Variants in MBOAT1 observed in about 807,000 individuals in gnomAD.
The protein encoded by MBOAT1 is membrane-bound glycerophospholipid O-acyltransferase 1.
In MBOAT1, 67 loss-of-function variants were observed where a neutral mutation model predicts 64.4. The ratio of observed to expected loss-of-function variants is 1.04; its 90% CI spans 0.85 to 1.27. MBOAT1 has a LOEUF of 1.27. Ranked by LOEUF, MBOAT1 falls within the 50% of genes most tolerant of loss-of-function variation. The pLI is 0.00. For synonymous variants in MBOAT1, 229 were observed against 218.9 expected, an observed-to-expected ratio of 1.05 and a Z score of -0.41; for missense variants, 563 against 604.6, an observed-to-expected ratio of 0.93 and a Z score of 0.72.
At chr6:20,104,101 G>A (rs542584328) in intron 12 of MBOAT1, among the ~76,000 whole-genome samples, 3 of 152,180 alleles carry the variant, frequency 2.0e-5, no homozygotes, top group East Asian at 1.9e-4. Flanking sequence ...TATTCAGTAC[G>A]GTAACATACT....
intron 1 of MBOAT1, among the ~76,000 whole-genome samples, chr6:20,169,036 A>C (rs984634465): frequency 6.6e-6 from 1 of 152,134 alleles, no homozygotes; most frequent in Non-Finnish European, 1.5e-5. Flanking sequence ...AACAACAAAA[A>C]CTGTCTTGAA....
intron 1 of MBOAT1, among the ~76,000 whole-genome samples, chr6:20,163,614 A>G (rs998152268): frequency 3.9e-5 from 6 of 152,168 alleles, no homozygotes; most frequent in Non-Finnish European, 8.8e-5. Flanking sequence ...CTACTCAGGC[A>G]CAACCTTCTC....
intron 1 of MBOAT1, among the ~76,000 whole-genome samples, chr6:20,211,596 C>T (rs1763420822): frequency 6.6e-6 from 1 of 152,154 alleles, no homozygotes; most frequent in African/African-American, 2.4e-5. Context: ...CCAACCGAAC[C>T]CTGGGAAAAC....
chr6:20,193,160 C>A (rs948414331), intron 1 of MBOAT1, among the ~76,000 whole-genome samples: 2 of 151,508 alleles, frequency 1.3e-5, no homozygotes, highest in African/African-American at 4.8e-5. Flanking sequence ...TGCCCGCCAC[C>A]GCGCCCGGCT....
intron 4 of MBOAT1, among the ~76,000 whole-genome samples, chr6:20,134,040 G>A (rs1760908575): frequency 6.6e-6 from 1 of 152,144 alleles, no homozygotes; most frequent in Non-Finnish European, 1.5e-5. Context: ...TACTGAATTT[G>A]CCAAAACTGT....
chr6:20,187,398 C>T (rs1202676391), intron 1 of MBOAT1, among the ~76,000 whole-genome samples: 1 of 152,214 alleles, frequency 6.6e-6, no homozygotes, highest in East Asian at 1.9e-4. Context: ...GCACAAGCAT[C>T]GAAATGGCCC....
chr6:20,114,808 C>T (rs544146077), intron 10 of MBOAT1, among the ~76,000 whole-genome samples: 7 of 151,010 alleles, frequency 4.6e-5, no homozygotes, highest in African/African-American at 1.5e-4. Context: ...TGCTTGAACC[C>T]GGGAGGCAGA....
At chr6:20,141,359 C>CTTTTTTTTTTTTTTT (rs755615744) in intron 4 of MBOAT1, among the ~76,000 whole-genome samples, 6 of 99,804 alleles carry the variant, frequency 6.0e-5, no homozygotes, top group East Asian at 2.7e-4. Flanking sequence ...TTTTCTTTTT[C>CTTTTTTTTTTTTTTT]TTTTTTTTTT....
Position 20,178,254 on chromosome 6 carries a change from A to C in MBOAT1, c.100-25485T>G, listed in dbSNP as rs145013723. The stretch of plus-strand genomic sequence containing the variant: ...TGGTTTTTTTCTATTTCTGTTTTAC[A>C]TTTAAATTGGACCATTCCAAGTATA... On this transcript the variant is annotated intron_variant, in intron 1 of 12. Transcript: ENST00000324607. 4.7e-3 allele frequency among the ~76,000 whole-genome samples: 712 copies of C among 152,296 alleles called. 4 individuals are homozygous for C. The highest frequency in any genetic ancestry group is 0.016 in the African/African-American group (662 of 41,556).
intron 1 of MBOAT1, among the ~76,000 whole-genome samples, chr6:20,162,026 CTG>C (rs1166535939): frequency 6.6e-6 from 1 of 152,082 alleles, no homozygotes; most frequent in South Asian, 2.1e-4. Context: ...TGTGTCTTCC[CTG>C]TGTGTGTGTC....
chr6:20,211,590 C>G (rs1375841384), intron 1 of MBOAT1, among the ~76,000 whole-genome samples: 1 of 152,186 alleles, frequency 6.6e-6, no homozygotes, highest in Non-Finnish European at 1.5e-5. Context: ...TATGAGCCAA[C>G]CGAACCCTGG....
chr6:20,105,346 T>C (rs571882715), intron 12 of MBOAT1, among the ~76,000 whole-genome samples: 1 of 152,378 alleles, frequency 6.6e-6, no homozygotes, highest in Non-Finnish European at 1.5e-5. Context: ...TCATCTATTA[T>C]GGAAAGACTA....
intron 4 of MBOAT1, among the ~76,000 whole-genome samples, chr6:20,137,725 C>T (rs1761039485): frequency 6.6e-6 from 1 of 151,716 alleles, no homozygotes. Context: ...TAAACACACA[C>T]ACACACACAC....
intron 1 of MBOAT1, among the ~76,000 whole-genome samples, chr6:20,177,646 A>T (rs1011643623): frequency 2.6e-5 from 4 of 151,654 alleles, no homozygotes; most frequent in African/African-American, 9.7e-5. Flanking sequence ...TGGTGGTGGG[A>T]GCCTGTAGTC....
intron 1 of MBOAT1, among the ~76,000 whole-genome samples, chr6:20,183,520 T>G (rs1019885180): frequency 2.6e-5 from 4 of 152,212 alleles, no homozygotes; most frequent in African/African-American, 9.6e-5. Flanking sequence ...CTATCCAACA[T>G]CAGTATTTTC....
At chr6:20,169,654 C>G (rs1762133252) in intron 1 of MBOAT1, among the ~76,000 whole-genome samples, 1 of 151,722 alleles carries the variant, frequency 6.6e-6, no homozygotes, top group Non-Finnish European at 1.5e-5. Context: ...TTATCCCACC[C>G]AACAGCAAAC....
In MBOAT1 at chr6:20,100,866, C is replaced by A. The variant is rs973659632; in HGVS notation, c.*1420G>T. Reference sequence around the variant, plus strand: ...TATTATTTTCCACAACATTTAATACCAAGTTTCCTTCTCTCACATAGAATA... The same window carrying A: ...TATTATTTTCCACAACATTTAATACAAAGTTTCCTTCTCTCACATAGAATA... On this transcript the variant is annotated 3_prime_UTR_variant, in exon 13 of 13. Transcript: ENST00000324607. 2.0e-5 allele frequency among the ~76,000 whole-genome samples: 3 copies of A among 151,984 alleles called. No homozygotes were observed. The highest frequency in any genetic ancestry group is 7.3e-5 in the African/African-American group (3 of 41,372).
chr6:20,134,413 G>A lies in MBOAT1; in HGVS notation c.420-3214C>T, dbSNP rs1474782607. 5.3e-5 allele frequency among the ~76,000 whole-genome samples: 8 copies of A among 151,538 alleles called. No homozygotes were observed. In the East Asian group the frequency reaches 1.5e-3, roughly 29 times the overall value. Reference sequence around the variant, plus strand: ...AAATAGAAGCTATGGGTAAAATGTTGTCCCACATCATCTAGACCATACTTT... The same window carrying A: ...AAATAGAAGCTATGGGTAAAATGTTATCCCACATCATCTAGACCATACTTT... On this transcript the variant is annotated intron_variant, in intron 4 of 12. Transcript: ENST00000324607.
chr6:20,152,154 C>G (rs1761511932), intron 2 of MBOAT1, among the ~76,000 whole-genome samples: 1 of 151,602 alleles, frequency 6.6e-6, no homozygotes, highest in Non-Finnish European at 1.5e-5. Context: ...AACCCCGTCT[C>G]TACTAAAAAA....
Sources: allele counts gnomAD v4.1 joint callset (sites outside exome capture counted in the v4.1 genomes callset), GRCh38; gene constraint gnomAD v4.1.1; transcripts MANE v1.5; gene names NCBI Gene and HGNC (gene_info 2026-07-23, HGNC 2026-07-21).